The following GRIK3 variants were observed in gnomAD, a reference collection of about 807,000 sequenced individuals.
GRIK3 encodes the protein glutamate ionotropic receptor kainate type subunit 3.
Under a neutral mutation model 102.5 loss-of-function variants are expected in GRIK3, and 29 were observed. The observed-to-expected ratio is 0.28, with a 90% CI of 0.21 to 0.39. GRIK3 has a LOEUF of 0.39. GRIK3 is among the 10% of genes least tolerant of loss of function. The probability of loss-of-function intolerance (pLI) is 1.00; values close to 1 mark genes in which losing one functional copy is unlikely to be tolerated. For synonymous variants in GRIK3, 511 were observed against 504.9 expected (o/e 1.01, Z -0.16); for missense variants, 908 against 1,252.4 (o/e 0.73, Z 4.15).
chr1:36,817,104 C>T lies in GRIK3; in HGVS notation c.2047G>A (p.Glu683Lys), dbSNP rs1273947176. The T allele has an allele frequency of 3.7e-6, 6 of 1,613,984 alleles. No individual in the cohort carries two copies. Among genetic ancestry groups the T allele is most frequent in the East Asian group, 2.2e-5 (1 of 44,892 alleles). The change falls in exon 13 of 16, where the codon GAG becomes AAG. Residue 683 changes from glutamate to lysine, a missense_variant. Glu to Lys is a moderately conservative substitution (Grantham distance 56). Coordinates refer to ENST00000373091, the MANE Select transcript of GRIK3 (RefSeq NM_000831.4). Reference sequence around the variant, plus strand: ...GCCCCATCCTTGACAGCCCCATACTCGATTTTGGTTTGCTTGGCCAGGTCA... The same window carrying T: ...GCCCCATCCTTGACAGCCCCATACTTGATTTTGGTTTGCTTGGCCAGGTCA... ...ADDLAKQTKI[E>K]YGAVKDGATM... is the part of the protein sequence containing the mutation.
In GRIK3 at chr1:36,970,553, A is replaced by T. The variant is rs562695986; in HGVS notation, c.115+63441T>A. On this transcript the variant is annotated intron_variant, in intron 1 of 15. Transcript: ENST00000373091. ...AGTAAATATTTTATGAATGAATAAA[A>T]GGATGGATGGGTGGATGAATGGTTG... Among the ~76,000 whole-genome samples, 19 of 152,362 alleles carry T rather than the reference A, an allele frequency of 1.2e-4. No homozygotes were observed. In the East Asian group the frequency reaches 3.5e-3, roughly 28 times the overall value.
chr1:36,919,804 G>A (rs1167959099), intron 1 of GRIK3, among the ~76,000 whole-genome samples: 1 of 152,224 alleles, frequency 6.6e-6, no homozygotes, highest in Non-Finnish European at 1.5e-5. Flanking sequence ...TTTTGTAGGA[G>A]AACTCAGTGC....
chr1:36,997,670 C>T (rs1433838367), intron 1 of GRIK3, among the ~76,000 whole-genome samples: 6 of 152,106 alleles, frequency 3.9e-5, no homozygotes, highest in African/African-American at 7.2e-5. Flanking sequence ...TGGGAGGGGC[C>T]GGGGGTGACC....
At chr1:36,920,369 T>C (rs531518916) in intron 1 of GRIK3, among the ~76,000 whole-genome samples, 2 of 152,174 alleles carry the variant, frequency 1.3e-5, no homozygotes, top group African/African-American at 4.8e-5. Flanking sequence ...CAAGAATCCT[T>C]TGGCCCAGGG....
intron 1 of GRIK3, among the ~76,000 whole-genome samples, chr1:36,940,994 G>T (rs1641713233): frequency 6.6e-6 from 1 of 152,204 alleles, no homozygotes; most frequent in South Asian, 2.1e-4. Flanking sequence ...GATGATGTTT[G>T]CCATGTGTAT....
At chr1:36,852,549 G>A (rs1266325351) in intron 8 of GRIK3, among the ~76,000 whole-genome samples, 3 of 152,216 alleles carry the variant, frequency 2.0e-5, no homozygotes, top group South Asian at 2.1e-4. Flanking sequence ...TTCAGAGCAG[G>A]GCAGAGCTGT....
rs779140318 is a variant in GRIK3 at position 36,900,832 on chromosome 1, G to C, written c.116-9736C>G. 9.5e-4 allele frequency among the ~76,000 whole-genome samples: 144 copies of C among 152,246 alleles called. 1 individual carries two copies. Among genetic ancestry groups the C allele is most frequent in the Middle Eastern group, 3.4e-3 (1 of 294 alleles). ...TTTGGCCAATTAAGAATAAAAAAGAGAGGATACAAATTGTTAGTATCAGAA... is the reference window on the plus strand; with the variant it reads ...TTTGGCCAATTAAGAATAAAAAAGACAGGATACAAATTGTTAGTATCAGAA... On this transcript the variant is annotated intron_variant, in intron 1 of 15. Transcript: ENST00000373091.
At chr1:36,901,677 C>T (rs1045786934) in intron 1 of GRIK3, among the ~76,000 whole-genome samples, 1 of 152,104 alleles carries the variant, frequency 6.6e-6, no homozygotes, top group Non-Finnish European at 1.5e-5. Context: ...AAGGATGTCC[C>T]CTCTCCCACT....
chr1:36,999,572 G>A (rs1187057869), intron 1 of GRIK3, among the ~76,000 whole-genome samples: 1 of 152,000 alleles, frequency 6.6e-6, no homozygotes, highest in African/African-American at 2.4e-5. Context: ...ATTTTAATCT[G>A]CCCCACCTCA....
At chr1:36,913,236 G>C (rs1437460731) in intron 1 of GRIK3, among the ~76,000 whole-genome samples, 2 of 152,190 alleles carry the variant, frequency 1.3e-5, no homozygotes, top group African/African-American at 4.8e-5. Flanking sequence ...GCAATGCCAG[G>C]ATCAGGGAGA....
At chr1:36,917,398 C>T (rs111226614) in intron 1 of GRIK3, among the ~76,000 whole-genome samples, 52 of 152,150 alleles carry the variant, frequency 3.4e-4, no homozygotes, top group African/African-American at 1.0e-3. Flanking sequence ...GGGAAGGCAT[C>T]GGTTTTGAAA....
chr1:36,968,220 C>CGTGT lies in GRIK3; in HGVS notation c.115+65770_115+65773dup, dbSNP rs66480824. ...CTCTCTCTCTTTCACTCTCTCTCTC[C>CGTGT]GTGTGTGTGTGTGTGTGTGTGTGTG... is the stretch of plus-strand genomic sequence containing the variant. On this transcript the variant is annotated intron_variant, in intron 1 of 15. Transcript: ENST00000373091. 3.5e-3 allele frequency among the ~76,000 whole-genome samples: 491 copies of CGTGT among 141,152 alleles called. 1 individual carries two copies. The highest frequency in any genetic ancestry group is 7.2e-3 in the Middle Eastern group (2 of 278). 92.6% of individuals were successfully genotyped at this position (141,152 alleles called of 152,430 possible).
chr1:36,885,672 C>G (rs961391609), intron 2 of GRIK3, among the ~76,000 whole-genome samples: 1 of 152,192 alleles, frequency 6.6e-6, no homozygotes, highest in Non-Finnish European at 1.5e-5. Context: ...CCTCTGAGGA[C>G]TTCCCAGCTG....
intron 14 of GRIK3, among the ~76,000 whole-genome samples, chr1:36,805,623 C>G (rs768037338): frequency 1.6e-4 from 24 of 152,176 alleles, no homozygotes; most frequent in Non-Finnish European, 3.4e-4. Context: ...AGCTCCATCC[C>G]TCTGCTTCTG....
At chr1:36,829,835 G>C (rs1642796580) in intron 10 of GRIK3, among the ~76,000 whole-genome samples, 1 of 152,172 alleles carries the variant, frequency 6.6e-6, no homozygotes, top group Non-Finnish European at 1.5e-5. Context: ...AGATGCCCTG[G>C]TTGCTGGTTG....
rs1642862227 is a variant in GRIK3 at position 37,034,191 on chromosome 1, C to A, written c.-83G>T. ...AGCTCTAGGCGCGGGCGCGCAGCAG[C>A]CCCGAAGGCGCCGCCTGGCCCAGCC... is the stretch of plus-strand genomic sequence containing the variant. On this transcript the variant is annotated 5_prime_UTR_variant, in exon 1 of 16. Transcript: ENST00000373091. 1 of 386,656 alleles carries A rather than the reference C, an allele frequency of 2.6e-6. No homozygotes were observed. Among genetic ancestry groups the A allele is most frequent in the South Asian group, 1.2e-4 (1 of 8,664 alleles). 24.0% of individuals were successfully genotyped at this position (386,656 alleles called of 1,614,324 possible). A position where few individuals can be genotyped will look rare whatever the true frequency, so the allele number is the denominator to read the frequency against.
chr1:37,011,170 T>C (rs1055993835), intron 1 of GRIK3, among the ~76,000 whole-genome samples: 1 of 152,146 alleles, frequency 6.6e-6, no homozygotes, highest in African/African-American at 2.4e-5. Flanking sequence ...GGTGGCCACG[T>C]TTAAATCTCT....
intron 2 of GRIK3, among the ~76,000 whole-genome samples, chr1:36,889,443 G>A (rs536758257): frequency 6.6e-6 from 1 of 152,200 alleles, no homozygotes. Context: ...GGCTAGACTG[G>A]AAAGGCCCTC....
intron 1 of GRIK3, among the ~76,000 whole-genome samples, chr1:36,974,852 T>C (rs1341879400): frequency 6.6e-6 from 1 of 150,462 alleles, no homozygotes; most frequent in East Asian, 1.9e-4. Context: ...TGCTACAATA[T>C]GGATTAACCT....
Sources: allele counts gnomAD v4.1 joint callset (sites outside exome capture counted in the v4.1 genomes callset), GRCh38; gene constraint gnomAD v4.1.1; transcripts MANE v1.5; gene names NCBI Gene and HGNC (gene_info 2026-07-23, HGNC 2026-07-21).